Variants in ZAN observed in about 807,000 individuals in gnomAD.
ZAN encodes the protein zonadhesin, also known as zonadhesin (gene/pseudogene).
ZAN carries 260 observed loss-of-function variants against 286.2 expected under a neutral mutation model. The observed-to-expected ratio is 0.91, with a 90% CI of 0.82 to 1.01. ZAN has a LOEUF of 1.01. Among genes scored for constraint, ZAN ranks in the 50% least tolerant of loss-of-function variants. The probability of loss-of-function intolerance (pLI) is 0.00; values close to 1 mark genes in which losing one functional copy is unlikely to be tolerated. For missense variants in ZAN, 3,410 were observed against 3,639.2 expected (o/e 0.94, Z 1.62); for synonymous variants, 1,368 against 1,417.5 (o/e 0.97, Z 0.79).
intron 13 of ZAN, among the ~76,000 whole-genome samples, chr7:100,751,474 G>T (rs988866754): frequency 1.3e-5 from 2 of 152,132 alleles, no homozygotes; most frequent in African/African-American, 2.4e-5. Flanking sequence ...TGGATTTTGG[G>T]GGCTGGATCC....
intron 8 of ZAN, 112 bp from the exon 9 acceptor site, chr7:100,747,438 G>T: frequency 1.3e-6 from 1 of 782,298 alleles, no homozygotes; most frequent in Non-Finnish European, 2.2e-6. Context: ...GCTTTCATTT[G>T]GTGGTAATCG....
rs374344638 is a variant in ZAN, at chr7:100,792,533, G to A, written c.7787+54G>A. ...GCTGCCCTGGCTGGCTGGCGGGACC[G>A]CACCCTCTGCGGTGAGGTGTTGCCC... is the stretch of plus-strand genomic sequence containing the variant. On this transcript the variant is annotated intron_variant, in intron 42 of 47. Coordinates refer to ENST00000613979, the MANE Select transcript of ZAN (RefSeq NM_003386.3). 66 of 1,607,938 alleles carry A rather than the reference G, an allele frequency of 4.1e-5. 1 individual carries two copies. The highest frequency in any genetic ancestry group is 2.3e-4 in the South Asian group (21 of 90,254).
At chr7:100,734,695 T>C (rs1463749637) in intron 2 of ZAN, among the ~76,000 whole-genome samples, 1 of 139,308 alleles carries the variant, frequency 7.2e-6, no homozygotes, top group Non-Finnish European at 1.6e-5. Context: ...TGACCTTGAC[T>C]GCTGAACAGG....
chr7:100,785,779 C>A (rs1382186556), intron 36 of ZAN, among the ~76,000 whole-genome samples: 2 of 152,064 alleles, frequency 1.3e-5, no homozygotes, highest in South Asian at 2.1e-4. Flanking sequence ...CTGCCTCAGC[C>A]TCTTGAGTAG....
intron 41 of ZAN, 44 bp downstream of exon 41, chr7:100,792,192 G>T: frequency 6.5e-7 from 1 of 1,541,938 alleles, no homozygotes; most frequent in South Asian, 1.3e-5. Flanking sequence ...CCAGGTGCCT[G>T]CTCTGGTCTT....
rs2293766 is a variant in ZAN, at chr7:100,773,735, G to A, written c.5649G>A (p.Trp1883Ter). 68,860 of 1,609,900 alleles carry A rather than the reference G, an allele frequency of 0.043. 11,702 individuals are homozygous for A. In the East Asian group the frequency reaches 0.56, roughly 13 times the overall value. The change falls in exon 31 of 48, where the codon TGG becomes TGA. Residue 1883 changes from tryptophan (W) to a stop codon, truncating the protein, a stop_gained. Transcript: ENST00000613979. LOFTEE classifies it high-confidence loss of function. Reference sequence around the variant, plus strand: ...GTGGCCCACAGGTCGGGGAGCGCTGGTACACAGAGAACACCTGCACCAGGC... The same window carrying A: ...GTGGCCCACAGGTCGGGGAGCGCTGATACACAGAGAACACCTGCACCAGGC... The part of the protein sequence containing the change: ...AGSYHPVGER[W>*]YTENTCTRLC...
At chr7:100,766,387 C>G (rs1263899502) in intron 23 of ZAN, 138 bp from the exon 24 acceptor site, 1 of 1,112,800 alleles carries the variant, frequency 9.0e-7, no homozygotes, top group African/African-American at 1.6e-5. Context: ...AATCTCGGAG[C>G]TTCAGGAAGA....
rs1809931753 is a variant in ZAN at position 100,765,842 on chromosome 7, TAGGGGGCGGTTTC to T, written c.4470+290_4470+302del. Among the ~76,000 whole-genome samples, 3 of 151,802 alleles carry T rather than the reference TAGGGGGCGGTTTC, an allele frequency of 2.0e-5. No homozygotes were observed. The South Asian group carries it at 6.3e-4, about 32-fold the overall frequency. On this transcript the variant is annotated intron_variant, in intron 23 of 47. Transcript: ENST00000613979. ...TCTTGTATTTTTAGTAGAGACGGGG[TAGGGGGCGGTTTC>T]ACCATGTTGGCCAGGATGGTCTTGA...
In ZAN at chr7:100,750,857, C is replaced by G; in HGVS notation, c.1482C>G (p.Thr494=). The G allele has an allele frequency of 6.4e-7, 1 of 1,574,302 alleles. No homozygotes were observed. The highest frequency in any genetic ancestry group is 8.6e-7 in the Non-Finnish European group (1 of 1,158,086). The stretch of plus-strand genomic sequence containing the variant: ...CTCAGCGCCCTTACTGGCAGAACAC[C>G]TCCGTCACCGTCCCCTCAGGACACC... ...VGSQRPYWQN[T]SVTVPSGHQQ... is the part of the protein sequence containing the mutation. The change falls in exon 12 of 48, where the codon ACC becomes ACG. Residue 494 remains threonine (T), a synonymous_variant. Transcript: ENST00000613979.
chr7:100,772,098 T>G (rs868175310), intron 29 of ZAN, 78 bp downstream of exon 29: 74 of 325,056 alleles, frequency 2.3e-4, no homozygotes, highest in Non-Finnish European at 2.8e-4. Context: ...CTCTAAATTC[T>G]TTTTTTTTTT....
At chr7:100,783,788 A>ACACC (rs1562952389) in intron 35 of ZAN, among the ~76,000 whole-genome samples, 1 of 13,824 alleles carries the variant, frequency 7.2e-5, no homozygotes, top group South Asian at 3.3e-3. Context: ...ATATATACAC[A>ACACC]TATATATATA....
chr7:100,793,746 G>C, intron 42 of ZAN, 74 bp from the exon 43 acceptor site: 1 of 1,492,458 alleles, frequency 6.7e-7, no homozygotes, highest in Admixed American at 2.2e-5. Context: ...CCTACTCTGA[G>C]TTTTATCGGG....
Position 100,795,201 on chromosome 7 carries a change from C to G in ZAN, c.8131C>G (p.Pro2711Ala). The G allele has an allele frequency of 6.2e-7, 1 of 1,607,860 alleles. No homozygotes were observed. The highest frequency in any genetic ancestry group is 8.5e-7 in the Non-Finnish European group (1 of 1,177,128). The stretch of plus-strand genomic sequence containing the variant: ...AACCCTCTCTGTCCTTGCAGAAAGC[C>G]CGTGTCTGCAGAACCCCTGTCAGAA... ...NHTQGCFPES[P>A]CLQNPCQNDG... is the part of the protein sequence containing the mutation. Residue 2711 changes from proline (P) to alanine (A), a missense_variant, in exon 45 of 48, where the codon CCG (proline) becomes GCG (alanine). By Grantham distance (27) the Pro-to-Ala change is conservative (BLOSUM62 -1). Around this residue, in one of 7 missense-constraint regions of ZAN, gnomAD observed 1,289 missense variants for 1,314.3 expected, o/e 0.98. Coordinates refer to ENST00000613979, the MANE Select transcript of ZAN (RefSeq NM_003386.3).
At position 100,736,615 on chromosome 7, in the gene ZAN, G is replaced by A. The variant is rs775398397; in HGVS notation, c.239G>A (p.Gly80Glu). 1.1e-5 allele frequency: 17 copies of A among 1,522,682 alleles called. 3 individuals are homozygous for A. Among genetic ancestry groups the A allele is most frequent in the African/African-American group, 8.4e-5 (6 of 71,444 alleles). 94.3% of individuals were successfully genotyped at this position (1,522,682 alleles called of 1,614,324 possible). Reference sequence around the variant, plus strand: ...ACCGGCTCCACCGGGGCCCCCGGGGGGTACCCTAACGGAGGTGAGGGGCTA... The same window carrying A: ...ACCGGCTCCACCGGGGCCCCCGGGGAGTACCCTAACGGAGGTGAGGGGCTA... ...SPTGSTGAPGGYPNGEGSYLH... is the reference protein window; with the variant it reads ...SPTGSTGAPGEYPNGEGSYLH... Residue 80 changes from glycine (G) to glutamate (E), a missense_variant, in exon 4 of 48, where the codon GGG becomes GAG. Physicochemically the swap from Gly to Glu is moderately conservative, Grantham distance 98. Around this residue, in one of 7 missense-constraint regions of ZAN, gnomAD observed 872 missense variants for 938.9 expected, o/e 0.93. Coordinates refer to ENST00000613979, the MANE Select transcript of ZAN (RefSeq NM_003386.3).
Position 100,758,277 on chromosome 7 carries a change from A to T in ZAN, c.3385A>T (p.Ile1129Phe). The T allele has an allele frequency of 3.7e-6, 6 of 1,613,382 alleles. No individual in the cohort carries two copies. Among genetic ancestry groups the T allele is most frequent in the African/African-American group, 1.3e-5 (1 of 75,046 alleles). The part of the protein sequence containing the change: ...CWPGSRVECQ[I>F]SQCGTHTVCQ... Reference sequence around the variant, plus strand: ...GCCCGGCAGTCGGGTCGAGTGCCAGATCTCTCAGTGTGGGACACACACCGT... The same window carrying T: ...GCCCGGCAGTCGGGTCGAGTGCCAGTTCTCTCAGTGTGGGACACACACCGT... The change falls in exon 16 of 48, where the codon ATC becomes TTC. Residue 1129 changes from isoleucine (I) to phenylalanine (F), a missense_variant. By Grantham distance (21) the Ile-to-Phe change is conservative. Coordinates refer to ENST00000613979, the MANE Select transcript of ZAN (RefSeq NM_003386.3).
rs533392946 is a variant in ZAN, at chr7:100,779,524, C to T, written c.6396C>T (p.Ala2132=). 44 of 1,612,642 alleles carry T rather than the reference C, an allele frequency of 2.7e-5. No individual in the cohort carries two copies. The Admixed American group carries it at 5.5e-4, about 20-fold the overall frequency. Residue 2132 remains alanine (A), a synonymous_variant, in exon 35 of 48, where the codon GCC becomes GCT. Transcript: ENST00000613979. Reference sequence around the variant, plus strand: ...ACCCGAGTGGAAACTGCAGGGCGGCCGACCTCCGCAGGGCGCGGGAAAAGT... The same window carrying T: ...ACCCGAGTGGAAACTGCAGGGCGGCTGACCTCCGCAGGGCGCGGGAAAAGT... ...QENPSGNCRA[A]DLRRAREKCE...
intron 34 of ZAN, among the ~76,000 whole-genome samples, chr7:100,777,016 G>A (rs903056547): frequency 6.8e-6 from 1 of 147,064 alleles, no homozygotes; most frequent in Admixed American, 7.0e-5. Context: ...ACAGGCGTGA[G>A]CCACCGCGCC....
intron 36 of ZAN, among the ~76,000 whole-genome samples, chr7:100,785,677 G>C (rs138685113): frequency 0.039 from 5,676 of 145,850 alleles, 396 homozygotes; most frequent in African/African-American, 0.14. Flanking sequence ...TTTTTTTCTT[G>C]AGACAGAGTC....
rs773624759 is a variant in ZAN, at chr7:100,758,255, C to T, written c.3363C>T (p.Pro1121=). ...GCACAGAACATTGCCGCTGCTGGCC[C>T]GGCAGTCGGGTCGAGTGCCAGATCT... ...PNCTEHCRCW[P]GSRVECQISQ... The change falls in exon 16 of 48, where the codon CCC becomes CCT. Residue 1121 remains proline, a synonymous_variant. Transcript: ENST00000613979. 2.7e-5 allele frequency: 43 copies of T among 1,613,314 alleles called. No individual in the cohort carries two copies. The highest frequency in any genetic ancestry group is 3.3e-5 in the South Asian group (3 of 91,082).
Sources: allele counts gnomAD v4.1 joint callset (sites outside exome capture counted in the v4.1 genomes callset), GRCh38; gene constraint gnomAD v4.1.1; regional missense constraint gnomAD v4.1.1; transcripts MANE v1.5; gene names NCBI Gene and HGNC (gene_info 2026-07-23, HGNC 2026-07-21).